The following ZMYM1 variants were observed in gnomAD, a reference collection of about 807,000 sequenced individuals.
ZMYM1 encodes zinc finger MYM-type containing 1, also known as zinc finger MYM-type protein 1.
ZMYM1 carries 39 observed loss-of-function variants against 60.0 expected under a neutral mutation model. The observed-to-expected ratio is 0.65, with a 90% confidence interval of 0.50 to 0.85. The LOEUF (loss-of-function observed/expected upper bound fraction) is 0.85. ZMYM1 is among the 40% of genes least tolerant of loss of function. The pLI is 0.00. For synonymous variants in ZMYM1, 413 were observed against 454.0 expected (o/e 0.91, Z 1.15); for missense variants, 1,171 against 1,309.5 (o/e 0.89, Z 1.63).
chr1:35,094,926 A>G (rs1023602206), intron 2 of ZMYM1, among the ~76,000 whole-genome samples: 2 of 152,158 alleles, frequency 1.3e-5, no homozygotes, highest in Non-Finnish European at 1.5e-5. Flanking sequence ...AAATCACTAA[A>G]AAGGGTAATT....
Position 35,113,671 on chromosome 1 carries a change from G to A in ZMYM1, c.1841G>A (p.Ser614Asn), listed in dbSNP as rs769865477. The A allele has an allele frequency of 5.0e-6, 8 of 1,613,500 alleles. No individual in the cohort carries two copies. The South Asian group carries it at 8.8e-5, about 18-fold the overall frequency. Residue 614 changes from serine to asparagine, a missense_variant, in exon 10 of 10, where the codon AGT becomes AAT. Physicochemically the swap from Ser to Asn is conservative, Grantham distance 46. Transcript: ENST00000359858. ...AATTCACAAGTTGACTTCTATAACA[G>A]TACACAAATTCAAAGTGATATTATC... ...LMNSQVDFYNSTQIQSDIIEI... is the reference protein window; with the variant it reads ...LMNSQVDFYNNTQIQSDIIEI...
chr1:35,076,099 C>A (rs558342812), upstream of ZMYM1, among the ~76,000 whole-genome samples: 1 of 152,324 alleles, frequency 6.6e-6, no homozygotes, highest in East Asian at 1.9e-4. Context: ...ACATTCACAA[C>A]CTCTTCCACA....
At position 35,114,727 on chromosome 1, in the gene ZMYM1, A is replaced by G. The variant is rs761097620; in HGVS notation, c.2897A>G (p.Asn966Ser). The change falls in exon 10 of 10, where the codon AAT becomes AGT. Residue 966 changes from asparagine to serine, a missense_variant. By Grantham distance (46) the Asn-to-Ser change is conservative. Transcript: ENST00000359858. ...PTSTEEQYKINIYYQGLDTIL... is the reference protein window; with the variant it reads ...PTSTEEQYKISIYYQGLDTIL... ...TCAACAGAAGAACAATATAAAATTA[A>G]TATCTATTACCAAGGATTAGATACT... The G allele has an allele frequency of 1.9e-6, 3 of 1,571,138 alleles. No individual in the cohort carries two copies. Among genetic ancestry groups the G allele is most frequent in the Admixed American group, 3.8e-5 (2 of 52,336 alleles).
intron 1 of ZMYM1, chr1:35,093,156 G>A (rs904237059): frequency 6.6e-6 from 1 of 152,196 alleles, no homozygotes; most frequent in African/African-American, 2.4e-5. Flanking sequence ...ATTCTAGAAT[G>A]TATTTAAATG....
intron 1 of ZMYM1, among the ~76,000 whole-genome samples, chr1:35,090,796 A>G (rs980068908): frequency 5.3e-5 from 8 of 152,106 alleles, no homozygotes; most frequent in Non-Finnish European, 1.2e-4. Flanking sequence ...AAAATACAAA[A>G]TTAGCCAGGC....
At chr1:35,103,655 T>G (rs1643770322) in intron 4 of ZMYM1, among the ~76,000 whole-genome samples, 1 of 152,124 alleles carries the variant, frequency 6.6e-6, no homozygotes, top group South Asian at 2.1e-4. Context: ...CTGTTTTCAG[T>G]TTTTTTGGGT....
chr1:35,070,809 T>G (rs1438664720), intron 1 of ZMYM1, among the ~76,000 whole-genome samples: 1 of 143,880 alleles, frequency 7.0e-6, no homozygotes, highest in Non-Finnish European at 1.5e-5. Flanking sequence ...TTCTTGAGGG[T>G]TTTTTTTTTT....
intron 1 of ZMYM1, among the ~76,000 whole-genome samples, chr1:35,068,211 G>C (rs1213467048): frequency 6.6e-6 from 1 of 151,852 alleles, no homozygotes; most frequent in East Asian, 2.0e-4. Flanking sequence ...TTGAGGCCAG[G>C]AGTTCAAGAG....
intron 9 of ZMYM1, 117 bp from the exon 10 acceptor site, chr1:35,112,860 T>A (rs1451964888): frequency 2.3e-6 from 2 of 881,704 alleles, no homozygotes; most frequent in Non-Finnish European, 3.1e-6. Context: ...TTCCCCCTAG[T>A]GGAGCTCATA....
chr1:35,103,096 C>G (rs774130254), intron 4 of ZMYM1, among the ~76,000 whole-genome samples: 2 of 152,052 alleles, frequency 1.3e-5, no homozygotes, highest in Non-Finnish European at 2.9e-5. Context: ...TGCCTTTTTT[C>G]TTTTCCAAAT....
chr1:35,115,161 C>G lies in ZMYM1; in HGVS notation c.3331C>G (p.Leu1111Val), dbSNP rs760356204. The G allele has an allele frequency of 6.2e-6, 10 of 1,613,940 alleles. No homozygotes were observed. In the East Asian group the frequency reaches 2.2e-4, roughly 36 times the overall value. ...MGQEKLTGPA[L>V]MAVEQELVNK... Reference sequence around the variant, plus strand: ...ACAAGAGAAGCTTACTGGCCCAGCCCTAATGGCTGTTGAGCAGGAGTTGGT... The same window carrying G: ...ACAAGAGAAGCTTACTGGCCCAGCCGTAATGGCTGTTGAGCAGGAGTTGGT... The change falls in exon 10 of 10, where the codon CTA becomes GTA. Residue 1111 changes from leucine (L) to valine (V), a missense_variant. By Grantham distance (32) the Leu-to-Val change is conservative (BLOSUM62 1). Transcript: ENST00000359858.
In ZMYM1 at chr1:35,104,290, C is replaced by T. The variant is rs745441970; in HGVS notation, c.420-5C>T. On this transcript the variant is annotated splice_polypyrimidine_tract_variant and splice_region_variant and intron_variant, in intron 4 of 9. Coordinates refer to ENST00000359858, the MANE Select transcript of ZMYM1 (RefSeq NM_024772.5). ...TTTAATGATGTCCTTGTTATTTATT[C>T]TTAGAGACATTTTAAATCCAAAGGA... is the stretch of plus-strand genomic sequence containing the variant. 20 of 1,565,798 alleles carry T rather than the reference C, an allele frequency of 1.3e-5. No homozygotes were observed. Among genetic ancestry groups the T allele is most frequent in the African/African-American group, 9.6e-5 (7 of 72,550 alleles).
chr1:35,101,422 T>C (rs1289482685), intron 4 of ZMYM1, among the ~76,000 whole-genome samples: 2 of 148,510 alleles, frequency 1.3e-5, no homozygotes, highest in Non-Finnish European at 3.0e-5. Context: ...TTCAATTTTT[T>C]ATAAAGCTTT....
In ZMYM1 at chr1:35,095,904, T is replaced by C. The variant is rs1438369003; in HGVS notation, c.169+13T>C. 3 of 1,566,710 alleles carry C rather than the reference T, an allele frequency of 1.9e-6. No homozygotes were observed. Among genetic ancestry groups the C allele is most frequent in the Non-Finnish European group, 2.6e-6 (3 of 1,140,492 alleles). On this transcript the variant is annotated intron_variant, in intron 3 of 9. Coordinates refer to ENST00000359858, the MANE Select transcript of ZMYM1 (RefSeq NM_024772.5). ...TTTTCAGAGAGTGGTAATAGAATTA[T>C]TTAAGTTAGTTATGTTTATTCAGAC...
At chr1:35,077,639 T>C (rs202056970), upstream of ZMYM1, among the ~76,000 whole-genome samples, 1 of 152,108 alleles carries the variant, frequency 6.6e-6, no homozygotes, top group Non-Finnish European at 1.5e-5. Context: ...TCTGATCTTG[T>C]GGCCCCCACC....
intron 4 of ZMYM1, among the ~76,000 whole-genome samples, chr1:35,099,320 A>G (rs1385890601): frequency 2.0e-5 from 3 of 152,010 alleles, no homozygotes; most frequent in Admixed American, 1.3e-4. Context: ...GCCATATAGT[A>G]CTCTCTTCAG....
intron 1 of ZMYM1, among the ~76,000 whole-genome samples, chr1:35,068,118 G>A (rs186787253): frequency 1.2e-4 from 18 of 151,582 alleles, no homozygotes; most frequent in Admixed American, 9.2e-4. Flanking sequence ...TATAACTACT[G>A]TAATCAAGAA....
Position 35,113,734 on chromosome 1 carries a change from A to G in ZMYM1, c.1904A>G (p.Asn635Ser). The change falls in exon 10 of 10, where the codon AAT (asparagine) becomes AGT (serine). Residue 635 changes from asparagine to serine, a missense_variant. By Grantham distance (46) the Asn-to-Ser change is conservative. Coordinates refer to ENST00000359858, the MANE Select transcript of ZMYM1 (RefSeq NM_024772.5). ...ACTGAAATGTTGCAGGATATTGTGAATGAGATCAATGACTCCTCAGCATTT... is the reference window on the plus strand; with the variant it reads ...ACTGAAATGTTGCAGGATATTGTGAGTGAGATCAATGACTCCTCAGCATTT... ...IKTEMLQDIV[N>S]EINDSSAFSI... The G allele has an allele frequency of 6.2e-7, 1 of 1,613,956 alleles. No individual in the cohort carries two copies. Among genetic ancestry groups the G allele is most frequent in the East Asian group, 2.2e-5 (1 of 44,842 alleles).
intron 1 of ZMYM1, among the ~76,000 whole-genome samples, chr1:35,092,257 G>C (rs371635872): frequency 6.7e-6 from 1 of 150,030 alleles, no homozygotes; most frequent in Non-Finnish European, 1.5e-5. Flanking sequence ...GTTTGAGACA[G>C]AATCTCGCTC....
Sources: gnomAD v4.1 joint callset for allele counts (sites outside exome capture counted in the v4.1 genomes callset) on GRCh38, gnomAD v4.1.1 for gene constraint, MANE v1.5 for transcripts, NCBI Gene and HGNC (gene_info 2026-07-23, HGNC 2026-07-21) for gene names.